Variants in NAALADL2 observed in about 807,000 individuals in gnomAD.
The protein encoded by NAALADL2 is inactive N-acetylated-alpha-linked acidic dipeptidase-like protein 2.
Under a neutral mutation model 87.2 loss-of-function variants are expected in NAALADL2, and 76 were observed. That is an observed-to-expected ratio of 0.87 (90% CI 0.72 to 1.05). The LOEUF (loss-of-function observed/expected upper bound fraction) is 1.05, where lower values mean the gene tolerates loss of function less well. Ranked by LOEUF, NAALADL2 falls within the 50% of genes least tolerant of loss-of-function variation. The pLI, the probability that NAALADL2 is intolerant of heterozygous loss-of-function variation, is 0.00. For synonymous variants in NAALADL2, 354 were observed against 331.0 expected, an observed-to-expected ratio of 1.07 and a Z score of -0.75; for missense variants, 1,089 against 945.8, an observed-to-expected ratio of 1.15 and a Z score of -1.99.
At chr3:174,688,776 GTCT>G (rs1349121200) in intron 2 of NAALADL2, among the ~76,000 whole-genome samples, 1 of 152,014 alleles carries the variant, frequency 6.6e-6, no homozygotes, top group African/African-American at 2.4e-5. Context: ...ATTATATAAA[GTCT>G]TCTTTTAAGA....
At chr3:175,559,900 TC>T (rs1715993471) in intron 9 of NAALADL2, among the ~76,000 whole-genome samples, 1 of 152,226 alleles carries the variant, frequency 6.6e-6, no homozygotes, top group Non-Finnish European at 1.5e-5. Flanking sequence ...GTTTCCTTTC[TC>T]TTTTTATGTG....
intron 1 of NAALADL2, among the ~76,000 whole-genome samples, chr3:175,001,813 A>G (rs184574172): frequency 3.3e-3 from 500 of 152,288 alleles, no homozygotes; most frequent in Non-Finnish European, 5.3e-3. Context: ...GAAAACCCCA[A>G]ATCTAAAACT....
intron 1 of NAALADL2, among the ~76,000 whole-genome samples, chr3:174,535,262 CAGTAGGGTACTTAA>C (rs1481043890): frequency 6.6e-6 from 1 of 152,074 alleles, no homozygotes; most frequent in Non-Finnish European, 1.5e-5. Flanking sequence ...CAATGTATGA[CAGTAGGGTACTTAA>C]AGTACCCAGA....
upstream of NAALADL2, among the ~76,000 whole-genome samples, chr3:174,856,639 A>G (rs1015892760): frequency 3.3e-5 from 5 of 152,306 alleles, no homozygotes; most frequent in African/African-American, 1.2e-4. Context: ...TGCAAAAGTT[A>G]TGAGGCTGGC....
chr3:174,543,170 A>G (rs886406115), intron 1 of NAALADL2, among the ~76,000 whole-genome samples: 2 of 152,186 alleles, frequency 1.3e-5, no homozygotes, highest in East Asian at 3.9e-4. Context: ...AACCTAGGCG[A>G]TGGACTGTTG....
intron 1 of NAALADL2, among the ~76,000 whole-genome samples, chr3:174,527,988 C>T (rs1720917814): frequency 6.6e-6 from 1 of 152,168 alleles, no homozygotes; most frequent in Admixed American, 6.5e-5. Flanking sequence ...CAGCCATGCA[C>T]ATTCATTTAC....
chr3:175,198,623 G>A (rs1364503866), intron 2 of NAALADL2, among the ~76,000 whole-genome samples: 1 of 152,012 alleles, frequency 6.6e-6, no homozygotes, highest in East Asian at 1.9e-4. Context: ...AATGTTGAAG[G>A]AGGGTTGCAG....
intron 10 of NAALADL2, among the ~76,000 whole-genome samples, chr3:175,598,225 G>A (rs145171307): frequency 3.3e-5 from 5 of 151,848 alleles, no homozygotes; most frequent in East Asian, 1.9e-4. Context: ...CCCCATAGGC[G>A]GAACACCTAG....
intron 2 of NAALADL2, among the ~76,000 whole-genome samples, chr3:175,108,688 T>G (rs986075353): frequency 1.5e-4 from 23 of 152,000 alleles, no homozygotes; most frequent in African/African-American, 5.6e-4. Context: ...TGATAATTTT[T>G]GTAACTTGAT....
chr3:175,593,802 C>T (rs1721868596), intron 10 of NAALADL2, among the ~76,000 whole-genome samples: 5 of 152,006 alleles, frequency 3.3e-5, no homozygotes, highest in Non-Finnish European at 7.4e-5. Flanking sequence ...AACTTAGTCA[C>T]CTGCAAAGAC....
At chr3:174,934,392 T>A (rs1313582986) in intron 1 of NAALADL2, among the ~76,000 whole-genome samples, 1 of 152,224 alleles carries the variant, frequency 6.6e-6, no homozygotes, top group East Asian at 1.9e-4. Context: ...GGAAACTGAA[T>A]CTAAAGTAAA....
chr3:175,296,145 T>G (rs1460471426), intron 4 of NAALADL2, among the ~76,000 whole-genome samples: 1 of 152,222 alleles, frequency 6.6e-6, no homozygotes, highest in Non-Finnish European at 1.5e-5. Context: ...TCTGTATTCC[T>G]TAAATCAACG....
chr3:175,182,143 A>G (rs755211259), intron 2 of NAALADL2, among the ~76,000 whole-genome samples: 208 of 152,058 alleles, frequency 1.4e-3, no homozygotes, highest in Non-Finnish European at 2.6e-3. Context: ...TTCCCTGATG[A>G]TTAGTGATAT....
At chr3:175,477,744 T>C (rs536930274) in intron 9 of NAALADL2, among the ~76,000 whole-genome samples, 6 of 152,162 alleles carry the variant, frequency 3.9e-5, no homozygotes, top group Admixed American at 6.6e-5. Context: ...GAACAGTCCA[T>C]GTGTTGCTCT....
At chr3:174,777,238 T>C (rs111934467) in intron 3 of NAALADL2, among the ~76,000 whole-genome samples, 3 of 152,242 alleles carry the variant, frequency 2.0e-5, no homozygotes, top group African/African-American at 7.2e-5. Context: ...GTGCATGTAT[T>C]TTATAGTTCA....
At chr3:175,381,737 G>A (rs1344116852) in intron 5 of NAALADL2, among the ~76,000 whole-genome samples, 1 of 152,104 alleles carries the variant, frequency 6.6e-6, no homozygotes, top group Non-Finnish European at 1.5e-5. Context: ...GTAATTGATA[G>A]GTACAATTTC....
At chr3:175,571,201 G>T (rs1718031930) in intron 9 of NAALADL2, among the ~76,000 whole-genome samples, 1 of 152,090 alleles carries the variant, frequency 6.6e-6, no homozygotes, top group Admixed American at 6.5e-5. Flanking sequence ...TCTTAAAACT[G>T]TACTTGCAAA....
intron 1 of NAALADL2, among the ~76,000 whole-genome samples, chr3:174,925,392 A>G (rs1735859984): frequency 6.6e-6 from 1 of 152,056 alleles, no homozygotes; most frequent in South Asian, 2.1e-4. Context: ...GATGTGTGGT[A>G]TTATTTCTGA....
chr3:174,943,245 G>A (rs139371947), intron 1 of NAALADL2, among the ~76,000 whole-genome samples: 1 of 152,168 alleles, frequency 6.6e-6, no homozygotes, highest in Non-Finnish European at 1.5e-5. Flanking sequence ...GAGGCTTTGT[G>A]CAGGGTCTTT....
Sources: gnomAD v4.1 joint callset for allele counts (sites outside exome capture counted in the v4.1 genomes callset) on GRCh38, gnomAD v4.1.1 for gene constraint, MANE v1.5 for transcripts, NCBI Gene and HGNC (gene_info 2026-07-23, HGNC 2026-07-21) for gene names.